Variants in CTNNA3 observed in about 807,000 individuals in gnomAD.
CTNNA3 encodes catenin alpha-3.
CTNNA3 carries 76 observed loss-of-function variants against 95.7 expected under a neutral mutation model. The observed-to-expected ratio is 0.79, with a 90% CI of 0.66 to 0.96. The LOEUF (loss-of-function observed/expected upper bound fraction) is 0.96. Among genes scored for constraint, CTNNA3 ranks in the 40% least tolerant of loss-of-function variants. The pLI is 0.00. For missense variants in CTNNA3, 1,191 were observed against 1,089.8 expected, an observed-to-expected ratio of 1.09 and a Z score of -1.31; for synonymous variants, 431 against 374.4, an observed-to-expected ratio of 1.15 and a Z score of -1.74.
intron 13 of CTNNA3, among the ~76,000 whole-genome samples, chr10:66,154,718 T>TTATATATATATATATATATA (rs1564706824): frequency 4.3e-4 from 7 of 16,392 alleles, no homozygotes; most frequent in South Asian, 4.6e-3. Context: ...TTGAAAAAGT[T>TTATATATATATATATATATA]CATATATATA....
intron 13 of CTNNA3, among the ~76,000 whole-genome samples, chr10:66,133,523 A>G (rs974764814): frequency 6.6e-6 from 1 of 151,646 alleles, no homozygotes; most frequent in Non-Finnish European, 1.5e-5. Context: ...AAAAAAAAAA[A>G]CAAAAAACAA....
chr10:66,815,338 T>C (rs1308774290), intron 7 of CTNNA3, among the ~76,000 whole-genome samples: 7 of 152,102 alleles, frequency 4.6e-5, no homozygotes, highest in Admixed American at 2.6e-4. Flanking sequence ...CATCCCCAGT[T>C]CTGTGGCGGC....
chr10:67,275,434 C>CAT (rs1839150085), intron 5 of CTNNA3, among the ~76,000 whole-genome samples: 1 of 152,040 alleles, frequency 6.6e-6, no homozygotes, highest in Admixed American at 6.6e-5. Context: ...ACAACAGCTA[C>CAT]ATATTACCTG....
chr10:67,623,098 T>C (rs7895185), intron 2 of CTNNA3, among the ~76,000 whole-genome samples: 20,069 of 152,168 alleles, frequency 0.13, 1,432 homozygotes, highest in Non-Finnish European at 0.16. Flanking sequence ...CAAATTCTAT[T>C]GATAGAATAA....
intron 1 of CTNNA3, among the ~76,000 whole-genome samples, chr10:67,745,538 A>G (rs897109781): frequency 2.0e-5 from 3 of 151,210 alleles, no homozygotes; most frequent in Non-Finnish European, 4.4e-5. Flanking sequence ...GAGGGATAGC[A>G]TTAGGAGATA....
At position 66,170,495 on chromosome 10, in the gene CTNNA3, C is replaced by G. The variant is rs1029461857; in HGVS notation, c.1885-67246G>C. ...ATGTCTGCTGATACCAACCATGCAC[C>G]AAGCAATGTTTTGAAAAAATGGAGA... On this transcript the variant is annotated intron_variant, in intron 13 of 17. Transcript: ENST00000433211. 4.6e-5 allele frequency among the ~76,000 whole-genome samples: 7 copies of G among 151,882 alleles called. No individual in the cohort carries two copies. The South Asian group carries it at 6.2e-4, about 14-fold the overall frequency.
rs1254595018 is a variant in CTNNA3, at chr10:65,918,032, A to T, written c.*2298T>A. The stretch of plus-strand genomic sequence containing the variant: ...GGATATTCATTGAGTTAAAATTTTT[A>T]TTGTTTTATTTAATTATAGTTTGCT... On this transcript the variant is annotated 3_prime_UTR_variant, in exon 18 of 18. Coordinates refer to ENST00000433211, the MANE Select transcript of CTNNA3 (RefSeq NM_013266.4). The T allele has an allele frequency of 1.3e-5, 2 of 152,052 alleles. No homozygotes were observed. The highest frequency in any genetic ancestry group is 6.6e-5 in the Admixed American group (1 of 15,264). The allele number at this position is 152,052 out of a possible 1,614,324, so 9.4% of individuals were successfully genotyped here.
At chr10:66,297,326 G>A (rs753886472) in intron 12 of CTNNA3, among the ~76,000 whole-genome samples, 14 of 152,058 alleles carry the variant, frequency 9.2e-5, no homozygotes, top group Non-Finnish European at 2.1e-4. Context: ...CATAAATGCT[G>A]AGACAGAATA....
At chr10:66,111,878 A>G (rs2082134433) in intron 13 of CTNNA3, among the ~76,000 whole-genome samples, 1 of 151,238 alleles carries the variant, frequency 6.6e-6, no homozygotes, top group African/African-American at 2.4e-5. Context: ...TGTTAGGCCA[A>G]TCTCAGACTT....
rs546158455 is a variant in CTNNA3 at position 66,256,731 on chromosome 10, A to G, written c.1884+23739T>C. On this transcript the variant is annotated intron_variant, in intron 13 of 17. Transcript: ENST00000433211. ...AGTGAGACATTGTCTCAAAAAAAAAAAGCGTAAATTGGAGGAGAAAAAATG... is the reference window on the plus strand; with the variant it reads ...AGTGAGACATTGTCTCAAAAAAAAAGAGCGTAAATTGGAGGAGAAAAAATG... 1.5e-3 allele frequency among the ~76,000 whole-genome samples: 233 copies of G among 151,938 alleles called. 6 individuals are homozygous for G. The highest frequency in any genetic ancestry group is 4.1e-4 in the Non-Finnish European group (28 of 67,966).
intron 10 of CTNNA3, among the ~76,000 whole-genome samples, chr10:66,569,075 C>G (rs995483664): frequency 1.3e-5 from 2 of 151,982 alleles, no homozygotes; most frequent in Non-Finnish European, 2.9e-5. Context: ...AGAATAAAAG[C>G]TAGACATCAT....
At chr10:67,315,535 TAAGTGCTTAGTAAAAAGCACTTAC>T (rs1437642409) in intron 5 of CTNNA3, among the ~76,000 whole-genome samples, 13 of 152,218 alleles carry the variant, frequency 8.5e-5, no homozygotes, top group African/African-American at 3.1e-4. Context: ...AAGCACTTTG[TAAGTGCTTAGTAAAAAGCACTTAC>T]AAGTGCTTCC....
chr10:66,877,606 C>G (rs1283175564), intron 7 of CTNNA3, among the ~76,000 whole-genome samples: 1 of 152,084 alleles, frequency 6.6e-6, no homozygotes, highest in East Asian at 1.9e-4. Flanking sequence ...TACATTGCTC[C>G]TAGGGAAGCA....
intron 1 of CTNNA3, among the ~76,000 whole-genome samples, chr10:67,723,917 G>T (rs995555922): frequency 2.0e-5 from 3 of 152,150 alleles, no homozygotes; most frequent in African/African-American, 7.2e-5. Flanking sequence ...GAAGTTCAGA[G>T]GAGTTAGTGC....
chr10:66,527,573 C>A (rs1841313035), intron 10 of CTNNA3, among the ~76,000 whole-genome samples: 4 of 151,926 alleles, frequency 2.6e-5, no homozygotes, highest in Admixed American at 2.6e-4. Flanking sequence ...TTTATGTCTT[C>A]TTTAATTTCT....
chr10:67,709,914 A>C (rs765662837), intron 1 of CTNNA3, among the ~76,000 whole-genome samples: 4 of 152,164 alleles, frequency 2.6e-5, no homozygotes, highest in Non-Finnish European at 5.9e-5. Flanking sequence ...CTTCTTTATC[A>C]ATGCTTTAAC....
intron 7 of CTNNA3, among the ~76,000 whole-genome samples, chr10:66,886,202 G>A (rs2132479688): frequency 6.6e-6 from 1 of 152,184 alleles, no homozygotes. Context: ...AGAATGCTCT[G>A]GAATCATTTT....
chr10:66,328,933 T>TATATATATATATATATATACACAC (rs59003281), intron 12 of CTNNA3, among the ~76,000 whole-genome samples: 5 of 115,406 alleles, frequency 4.3e-5, no homozygotes, highest in South Asian at 3.0e-4. Context: ...TATATATATA[T>TATATATATATATATATATACACAC]ACACACACAC....
chr10:67,355,825 A>G (rs1018114396), intron 5 of CTNNA3, among the ~76,000 whole-genome samples: 3 of 151,964 alleles, frequency 2.0e-5, no homozygotes, highest in African/African-American at 4.8e-5. Context: ...ACTGTGTACA[A>G]TCTGTATTAG....
Sources: gnomAD v4.1 joint callset for allele counts (sites outside exome capture counted in the v4.1 genomes callset) on GRCh38, gnomAD v4.1.1 for gene constraint, MANE v1.5 for transcripts, NCBI Gene and HGNC (gene_info 2026-07-23, HGNC 2026-07-21) for gene names.